The following GPM6A variants were observed in gnomAD, a reference collection of about 807,000 sequenced individuals.
GPM6A encodes the protein neuronal membrane glycoprotein M6-a.
In GPM6A, 7 loss-of-function variants were observed where a neutral mutation model predicts 32.1. The observed-to-expected ratio is 0.22, with a 90% CI of 0.12 to 0.41. The LOEUF is 0.41. Among genes scored for constraint, GPM6A ranks in the 10% least tolerant of loss-of-function variants. GPM6A has a pLI of 1.00. For missense variants in GPM6A, 235 were observed against 347.2 expected, an observed-to-expected ratio of 0.68 and a Z score of 2.57; for synonymous variants, 130 against 123.4, an observed-to-expected ratio of 1.05 and a Z score of -0.35.
At chr4:175,789,013 A>G (rs1393313899) in intron 1 of GPM6A, among the ~76,000 whole-genome samples, 1 of 152,160 alleles carries the variant, frequency 6.6e-6, no homozygotes, top group Admixed American at 6.6e-5. Context: ...TGTTTTGACC[A>G]CAGTGTACTT....
At chr4:175,881,169 A>G (rs141934198) in intron 1 of GPM6A, among the ~76,000 whole-genome samples, 6,936 of 152,324 alleles carry the variant, frequency 0.046, 210 homozygotes, top group Non-Finnish European at 0.07. Context: ...CAACCCCACC[A>G]AAAAGTGGAT....
At chr4:175,872,736 A>C (rs990044530) in intron 1 of GPM6A, 1 of 152,230 alleles carries the variant, frequency 6.6e-6, no homozygotes, top group East Asian at 1.9e-4. Flanking sequence ...TATGTGACAA[A>C]TAAAAGGTGC....
intron 1 of GPM6A, among the ~76,000 whole-genome samples, chr4:175,883,753 G>C (rs182730470): frequency 1.3e-5 from 2 of 152,008 alleles, no homozygotes; most frequent in Non-Finnish European, 2.9e-5. Flanking sequence ...TGTCTCAAAA[G>C]TACATCTGTC....
chr4:175,814,654 G>A (rs1419706113), upstream of GPM6A, among the ~76,000 whole-genome samples: 1 of 152,046 alleles, frequency 6.6e-6, no homozygotes, highest in Non-Finnish European at 1.5e-5. Flanking sequence ...ACCAACATAA[G>A]TCAACATCAA....
At chr4:175,692,161 G>C (rs1744335248) in intron 2 of GPM6A, among the ~76,000 whole-genome samples, 1 of 152,068 alleles carries the variant, frequency 6.6e-6, no homozygotes, top group Non-Finnish European at 1.5e-5. Flanking sequence ...CAGCAGCAAT[G>C]GTAAGCTAGA....
chr4:175,830,780 A>G (rs1320152856), intron 1 of GPM6A, among the ~76,000 whole-genome samples: 1 of 151,922 alleles, frequency 6.6e-6, no homozygotes, highest in Admixed American at 6.6e-5. Context: ...GTGTTTGTTC[A>G]GGGTCATTGG....
At chr4:175,730,704 C>A (rs972123376) in intron 1 of GPM6A, among the ~76,000 whole-genome samples, 4 of 152,084 alleles carry the variant, frequency 2.6e-5, no homozygotes, top group African/African-American at 9.7e-5. Flanking sequence ...GATCTCCTGA[C>A]CTCAAGTGAT....
chr4:175,735,855 C>T (rs1336612413), intron 1 of GPM6A, among the ~76,000 whole-genome samples: 3 of 152,072 alleles, frequency 2.0e-5, no homozygotes, highest in Non-Finnish European at 4.4e-5. Flanking sequence ...CCACTGCCCC[C>T]TGTCTATTTA....
chr4:175,956,166 A>T (rs1739979377), intron 1 of GPM6A, among the ~76,000 whole-genome samples: 1 of 152,186 alleles, frequency 6.6e-6, no homozygotes, highest in South Asian at 2.1e-4. Context: ...ATCAAAATTT[A>T]AAAATTCCTG....
chr4:175,768,804 G>T (rs985645425), intron 1 of GPM6A, among the ~76,000 whole-genome samples: 1 of 151,864 alleles, frequency 6.6e-6, no homozygotes, highest in African/African-American at 2.4e-5. Flanking sequence ...AGAAAATAAG[G>T]TACTATCCTG....
At chr4:175,672,804 G>A (rs886524760) in intron 3 of GPM6A, among the ~76,000 whole-genome samples, 1 of 151,912 alleles carries the variant, frequency 6.6e-6, no homozygotes, top group African/African-American at 2.4e-5. Flanking sequence ...CACAACTCAG[G>A]CAAACTATCT....
chr4:175,641,020 C>G, intron 4 of GPM6A, 191 bp from the exon 5 acceptor site: 1 of 554,530 alleles, frequency 1.8e-6, no homozygotes, highest in Non-Finnish European at 3.2e-6. Flanking sequence ...ATATGCAAGA[C>G]TATTTAGCCC....
chr4:175,740,179 C>T (rs1731820991), intron 1 of GPM6A, among the ~76,000 whole-genome samples: 1 of 151,936 alleles, frequency 6.6e-6, no homozygotes, highest in South Asian at 2.1e-4. Flanking sequence ...ATCACAAGCA[C>T]TGAAATCATA....
chr4:175,843,443 T>C (rs904272100), intron 1 of GPM6A, among the ~76,000 whole-genome samples: 3 of 152,216 alleles, frequency 2.0e-5, no homozygotes, highest in African/African-American at 4.8e-5. Flanking sequence ...ATCTCATTTG[T>C]AATCCTAGTT....
At chr4:175,785,451 GT>G (rs1733763452) in intron 1 of GPM6A, among the ~76,000 whole-genome samples, 1 of 152,150 alleles carries the variant, frequency 6.6e-6, no homozygotes, top group Admixed American at 6.6e-5. Flanking sequence ...GTGGTATTTT[GT>G]TATGCATCAT....
intron 6 of GPM6A, among the ~76,000 whole-genome samples, chr4:175,637,084 TATA>T (rs1297887877): frequency 1.5e-5 from 1 of 67,254 alleles, no homozygotes; most frequent in African/African-American, 3.7e-5. Flanking sequence ...ATATATAACA[TATA>T]ATATATCATA....
chr4:175,897,698 G>A (rs995017895), intron 1 of GPM6A, among the ~76,000 whole-genome samples: 10 of 152,096 alleles, frequency 6.6e-5, no homozygotes, highest in Non-Finnish European at 1.3e-4. Context: ...TAAGAAAGAA[G>A]AGTTTAGTAC....
intron 1 of GPM6A, among the ~76,000 whole-genome samples, chr4:175,788,283 G>T (rs140073274): frequency 6.6e-6 from 1 of 152,184 alleles, no homozygotes; most frequent in East Asian, 1.9e-4. Flanking sequence ...GAGGATGAAA[G>T]CAAAGATTTT....
At chr4:175,798,467 A>T (rs1209720131) in intron 1 of GPM6A, among the ~76,000 whole-genome samples, 1 of 152,214 alleles carries the variant, frequency 6.6e-6, no homozygotes, top group East Asian at 1.9e-4. Flanking sequence ...TAAAGAGCAA[A>T]ACTGAAAAGC....
Sources: allele counts gnomAD v4.1 joint callset (sites outside exome capture counted in the v4.1 genomes callset), GRCh38; gene constraint gnomAD v4.1.1; transcripts MANE v1.5; gene names NCBI Gene and HGNC (gene_info 2026-07-23, HGNC 2026-07-21).